SMNDC1: variants seen among roughly 807,000 people sequenced by gnomAD.
SMNDC1 encodes survival motor neuron domain containing 1.
Under a neutral mutation model 29.2 loss-of-function variants are expected in SMNDC1, and 5 were observed. The observed-to-expected ratio is 0.17, with a 90% confidence interval of 0.09 to 0.36. The LOEUF is 0.36. Among genes scored for constraint, SMNDC1 ranks in the 10% least tolerant of loss-of-function variants. The probability of loss-of-function intolerance (pLI) is 1.00; values close to 1 mark genes in which losing one functional copy is unlikely to be tolerated. For missense variants in SMNDC1, 142 were observed against 268.5 expected (o/e 0.53, Z 3.29); for synonymous variants, 80 against 89.9 (o/e 0.89, Z 0.62).
Position 110,303,402 on chromosome 10 carries a change from G to C in SMNDC1, c.120+66C>G, listed in dbSNP as rs1857687560. The C allele has an allele frequency of 1.4e-6, 2 of 1,464,922 alleles. 1 individual carries two copies. Among genetic ancestry groups the C allele is most frequent in the African/African-American group, 2.9e-5 (2 of 69,096 alleles). The allele number at this position is 1,464,922 out of a possible 1,614,324, so 90.7% of individuals were successfully genotyped here. The stretch of plus-strand genomic sequence containing the variant: ...TGTAACCCCTCAAAAGGCGCTTTGG[G>C]TACTTAGGGATTCAAGCAATAATTT... On this transcript the variant is annotated intron_variant, in intron 2 of 5. Coordinates refer to ENST00000369603, the MANE Select transcript of SMNDC1 (RefSeq NM_005871.4).
rs1476246930 is a variant in SMNDC1, at chr10:110,292,370, G to C, written c.*1780C>G. On this transcript the variant is annotated 3_prime_UTR_variant, in exon 6 of 6. Transcript: ENST00000369603. ...ACTAAGGCCCCCCAGGGTCAAAAGA[G>C]GGACAAGACTGTTAACAGTCCTGCC... is the stretch of plus-strand genomic sequence containing the variant. 1.3e-5 allele frequency: 2 copies of C among 152,028 alleles called. No individual in the cohort carries two copies. The highest frequency in any genetic ancestry group is 4.8e-5 in the African/African-American group (2 of 41,386). The allele number at this position is 152,028 out of a possible 1,614,324, so 9.4% of individuals were successfully genotyped here.
intron 2 of SMNDC1, among the ~76,000 whole-genome samples, chr10:110,299,618 T>G (rs530558177): frequency 2.0e-5 from 3 of 152,244 alleles, no homozygotes; most frequent in Non-Finnish European, 4.4e-5. Flanking sequence ...CTAATGAAGA[T>G]CCACACTATG....
At chr10:110,298,899 A>C in intron 2 of SMNDC1, 109 bp from the exon 3 acceptor site, 3 of 753,228 alleles carry the variant, frequency 4.0e-6, no homozygotes, top group Non-Finnish European at 6.3e-6. Flanking sequence ...CATATATTTC[A>C]TTTGCAGCTC....
rs554597468 is a variant in SMNDC1 at position 110,291,602 on chromosome 10, T to C, written c.*2548A>G. The C allele has an allele frequency of 6.6e-6, 1 of 152,344 alleles. No homozygotes were observed. Among genetic ancestry groups the C allele is most frequent in the East Asian group, 1.9e-4 (1 of 5,190 alleles). The allele number at this position is 152,344 out of a possible 1,614,324, so 9.4% of individuals were successfully genotyped here. Reference sequence around the variant, plus strand: ...TCTTAAGCTATTTACACATTTGAATTCAATCCTTAAAACTGAAACAGATTT... The same window carrying C: ...TCTTAAGCTATTTACACATTTGAATCCAATCCTTAAAACTGAAACAGATTT... On this transcript the variant is annotated 3_prime_UTR_variant, in exon 6 of 6. Coordinates refer to ENST00000369603, the MANE Select transcript of SMNDC1 (RefSeq NM_005871.4).
At chr10:110,301,515 T>G (rs1857648239) in intron 2 of SMNDC1, among the ~76,000 whole-genome samples, 1 of 152,246 alleles carries the variant, frequency 6.6e-6, no homozygotes, top group South Asian at 2.1e-4. Context: ...TATTACTATC[T>G]GAAGTATTAA....
chr10:110,296,374 G>A (rs1857563059), intron 4 of SMNDC1, among the ~76,000 whole-genome samples: 1 of 151,956 alleles, frequency 6.6e-6, no homozygotes, highest in Non-Finnish European at 1.5e-5. Flanking sequence ...TTACACAGAT[G>A]ACAAAGACAT....
intron 2 of SMNDC1, among the ~76,000 whole-genome samples, chr10:110,299,379 A>T (rs1857613210): frequency 6.6e-6 from 1 of 152,256 alleles, no homozygotes; most frequent in African/African-American, 2.4e-5. Context: ...ACCAGGTTAG[A>T]TTTTAAATGT....
chr10:110,300,668 C>T (rs1007526467), intron 2 of SMNDC1: 1 of 985,240 alleles, frequency 1.0e-6, no homozygotes, highest in South Asian at 4.7e-5. Flanking sequence ...TACATATCAG[C>T]AGGTCAAATG....
chr10:110,291,934 T>A lies in SMNDC1; in HGVS notation c.*2216A>T, dbSNP rs368064886. 3 of 152,354 alleles carry A rather than the reference T, an allele frequency of 2.0e-5. No homozygotes were observed. In the South Asian group the frequency reaches 6.2e-4, roughly 32 times the overall value. 9.4% of individuals were successfully genotyped at this position (152,354 alleles called of 1,614,324 possible). A position where few individuals can be genotyped will look rare whatever the true frequency, so the allele number is the denominator to read the frequency against. On this transcript the variant is annotated 3_prime_UTR_variant, in exon 6 of 6. Transcript: ENST00000369603. ...TTCTACTTAGGGGCCCATAACTCAA[T>A]ATTTAACATTTCAGTCTGTCACAGT...
intron 1 of SMNDC1, 84 bp from the exon 2 acceptor site, chr10:110,303,671 T>C (rs1857692715): frequency 7.1e-7 from 1 of 1,417,274 alleles, no homozygotes; most frequent in South Asian, 1.4e-5. Context: ...CTGCCTGAAT[T>C]ACCAGTTTTT....
At chr10:110,294,964 A>G (rs1265979289) in intron 5 of SMNDC1, among the ~76,000 whole-genome samples, 1 of 152,186 alleles carries the variant, frequency 6.6e-6, no homozygotes, top group African/African-American at 2.4e-5. Flanking sequence ...AGTAGCAACT[A>G]TTTTTTCAAA....
intron 2 of SMNDC1, among the ~76,000 whole-genome samples, chr10:110,302,835 T>C (rs1367822027): frequency 6.6e-6 from 1 of 152,236 alleles, no homozygotes; most frequent in Non-Finnish European, 1.5e-5. Flanking sequence ...GGTTTCATTA[T>C]CTACTAAACT....
chr10:110,303,657 CT>C, intron 1 of SMNDC1, 70 bp from the exon 2 acceptor site: 1 of 1,484,132 alleles, frequency 6.7e-7, no homozygotes, highest in Non-Finnish European at 9.0e-7. Context: ...ACTAACTCCC[CT>C]GTCTGCCTGA....
Position 110,294,294 on chromosome 10 carries a change from G to A in SMNDC1, c.580-7C>T. The A allele has an allele frequency of 6.4e-7, 1 of 1,564,250 alleles. No homozygotes were observed. The highest frequency in any genetic ancestry group is 8.6e-7 in the Non-Finnish European group (1 of 1,163,172). The stretch of plus-strand genomic sequence containing the variant: ...CAAAAATACTCCTCTTTACCTAAGG[G>A]AAAGAAAACAGAAATCATTCCTGAT... On this transcript the variant is annotated splice_region_variant and splice_polypyrimidine_tract_variant and intron_variant, in intron 5 of 5. Coordinates refer to ENST00000369603, the MANE Select transcript of SMNDC1 (RefSeq NM_005871.4).
At chr10:110,295,037 T>C (rs1857546132) in intron 5 of SMNDC1, among the ~76,000 whole-genome samples, 191 bp downstream of exon 5, 1 of 152,208 alleles carries the variant, frequency 6.6e-6, no homozygotes, top group Non-Finnish European at 1.5e-5. Flanking sequence ...ATTCTCTCAT[T>C]TGTAATATTT....
intron 2 of SMNDC1, among the ~76,000 whole-genome samples, chr10:110,299,079 A>C (rs1405624785): frequency 6.6e-6 from 1 of 152,200 alleles, no homozygotes; most frequent in African/African-American, 2.4e-5. Flanking sequence ...ATTATTTCTA[A>C]GTGCCTATTT....
intron 2 of SMNDC1, among the ~76,000 whole-genome samples, chr10:110,299,237 A>G (rs1166294217): frequency 1.3e-5 from 2 of 152,246 alleles, no homozygotes. Context: ...AAACACTTTA[A>G]GCAGCTTTAT....
chr10:110,291,352 G>A lies in SMNDC1; in HGVS notation c.*2798C>T, dbSNP rs1192970654. ...GAAACATGCCCTAGTATACAAATTA[G>A]TTCAAACCTTTAACTAGGAATACTA... On this transcript the variant is annotated 3_prime_UTR_variant, in exon 6 of 6. Transcript: ENST00000369603. 1 of 152,120 alleles carries A rather than the reference G, an allele frequency of 6.6e-6. No homozygotes were observed. Among genetic ancestry groups the A allele is most frequent in the Non-Finnish European group, 1.5e-5 (1 of 68,030 alleles). The allele number at this position is 152,120 out of a possible 1,614,324, so 9.4% of individuals were successfully genotyped here. A position where few individuals can be genotyped will look rare whatever the true frequency, so the allele number is the denominator to read the frequency against.
rs1857524451 is a variant in SMNDC1, at chr10:110,293,602, A to C, written c.*548T>G. On this transcript the variant is annotated 3_prime_UTR_variant, in exon 6 of 6. Transcript: ENST00000369603. ...GCTAGATCAATTTTAGAGATGGCCT[A>C]ATAGGCCTGGGAAACAAGTTATTGA... The C allele has an allele frequency of 6.6e-6, 1 of 152,228 alleles. No homozygotes were observed. The highest frequency in any genetic ancestry group is 6.5e-5 in the Admixed American group (1 of 15,274). 9.4% of individuals were successfully genotyped at this position (152,228 alleles called of 1,614,324 possible). A position where few individuals can be genotyped will look rare whatever the true frequency, so the allele number is the denominator to read the frequency against.
Sources: allele counts gnomAD v4.1 joint callset (sites outside exome capture counted in the v4.1 genomes callset), GRCh38; gene constraint gnomAD v4.1.1; transcripts MANE v1.5; gene names NCBI Gene and HGNC (gene_info 2026-07-23, HGNC 2026-07-21).